Variants in GLB1 observed in about 807,000 individuals in gnomAD.
GLB1 encodes galactosidase beta 1, also known as beta-galactosidase.
In GLB1, 56 loss-of-function variants were observed where a neutral mutation model predicts 74.0. The observed-to-expected ratio is 0.76, with a 90% CI of 0.61 to 0.94. GLB1 has a LOEUF of 0.94. Among genes scored for constraint, GLB1 ranks in the 40% least tolerant of loss-of-function variants. The pLI is 0.00. For synonymous variants in GLB1, 323 were observed against 323.6 expected (o/e 1.00, Z 0.02); for missense variants, 787 against 845.5 (o/e 0.93, Z 0.86).
Position 33,093,736 on chromosome 3 carries a change from C to T in GLB1, c.75+3275G>A. The stretch of plus-strand genomic sequence containing the variant: ...AGCTTCCTTGTCTTCTCAAGGCTGC[C>T]CACGACCCTACCACTGCGCCAGGCC... On this transcript the variant is annotated intron_variant, in intron 1 of 15. Transcript: ENST00000307363. The surrounding 1 kb of genome is among the most constrained non-coding windows in gnomAD (Gnocchi z 6.0). The T allele has an allele frequency of 6.2e-7, 1 of 1,613,892 alleles. No homozygotes were observed. The highest frequency in any genetic ancestry group is 8.5e-7 in the Non-Finnish European group (1 of 1,179,890).
intron 1 of GLB1, among the ~76,000 whole-genome samples, chr3:33,079,208 C>T (rs1001653584): frequency 2.6e-5 from 4 of 152,020 alleles, no homozygotes; most frequent in East Asian, 3.8e-4. Flanking sequence ...TGGGAAGGGA[C>T]GTGAGGGAAC....
intron 4 of GLB1, among the ~76,000 whole-genome samples, chr3:33,067,879 G>T (rs1476357968): frequency 6.6e-6 from 1 of 151,980 alleles, no homozygotes; most frequent in Non-Finnish European, 1.5e-5. Flanking sequence ...AATTGTTGAA[G>T]CTTTTTTGTT....
intron 10 of GLB1, chr3:33,030,438 T>C (rs1697958423): frequency 1.1e-6 from 1 of 926,772 alleles, no homozygotes; most frequent in South Asian, 5.0e-5. Flanking sequence ...TATTTAACAG[T>C]TGCTAAGTAA....
At chr3:32,992,314 CAGG>C (rs1696240978), downstream of GLB1, among the ~76,000 whole-genome samples, 1 of 152,186 alleles carries the variant, frequency 6.6e-6, no homozygotes, top group African/African-American at 2.4e-5. Context: ...AGTGGCTGGT[CAGG>C]AGGAGAACCA....
chr3:33,014,304 C>T lies in GLB1; in HGVS notation c.1486G>A (p.Val496Ile). ...GAYINDFKGL[V>I]SNLTLSSNIL... ...TTGGAACTGAGAGTCAGGTTAGAAA[C>T]CAAACCCTGCAAAGCAGAAACAGAG... The change falls in exon 15 of 16, where the codon GTT becomes ATT. Residue 496 changes from valine to isoleucine, a missense_variant. Transcript: ENST00000307363. 6.2e-7 allele frequency: 1 copy of T among 1,613,840 alleles called. No homozygotes were observed. The highest frequency in any genetic ancestry group is 8.5e-7 in the Non-Finnish European group (1 of 1,179,878).
intron 15 of GLB1, among the ~76,000 whole-genome samples, chr3:33,011,175 A>G (rs974528174): frequency 1.3e-5 from 2 of 152,102 alleles, no homozygotes; most frequent in African/African-American, 4.8e-5. Context: ...CTTTTTAATA[A>G]TCTATGGTTC....
chr3:33,010,082 T>C (rs977055042), intron 15 of GLB1, among the ~76,000 whole-genome samples: 17 of 152,326 alleles, frequency 1.1e-4, no homozygotes, highest in Admixed American at 3.3e-4. Flanking sequence ...TATGTGAACA[T>C]GTTTTCCTTT....
intron 9 of GLB1, among the ~76,000 whole-genome samples, chr3:33,047,961 A>C (rs1698808706): frequency 6.6e-6 from 1 of 152,136 alleles, no homozygotes; most frequent in African/African-American, 2.4e-5. Flanking sequence ...AAAGAAAAAA[A>C]AAAACCCACA....
At chr3:32,978,931 T>A in the GLB1 span, among the ~76,000 whole-genome samples, 1 of 149,734 alleles carries the variant, frequency 6.7e-6, no homozygotes, top group South Asian at 2.1e-4. Flanking sequence ...GGCTAATTTT[T>A]TTTTTTTTTT....
At chr3:33,078,594 T>C (rs1453265974) in intron 1 of GLB1, among the ~76,000 whole-genome samples, 3 of 152,078 alleles carry the variant, frequency 2.0e-5, no homozygotes, top group Non-Finnish European at 4.4e-5. Flanking sequence ...ATTTTAAAAG[T>C]CCAATGATTC....
the GLB1 span, among the ~76,000 whole-genome samples, chr3:32,981,674 T>C: frequency 6.6e-6 from 1 of 150,778 alleles, no homozygotes; most frequent in Non-Finnish European, 1.5e-5. Flanking sequence ...CTCGGGAAGC[T>C]GAGGCAGAGA....
intron 10 of GLB1, among the ~76,000 whole-genome samples, chr3:33,038,218 T>G (rs116044861): frequency 0.01 from 1,525 of 152,278 alleles, 34 homozygotes; most frequent in African/African-American, 0.035. Context: ...CATGGTAGAC[T>G]TATCACTCAC....
intron 10 of GLB1, chr3:33,045,787 G>A (rs1358887804): frequency 1.2e-5 from 14 of 1,178,478 alleles, no homozygotes; most frequent in Non-Finnish European, 1.5e-5. Context: ...AAGATAATCT[G>A]GCCTGGAAGG....
chr3:33,008,891 A>G (rs900542354), intron 15 of GLB1, among the ~76,000 whole-genome samples: 2 of 152,134 alleles, frequency 1.3e-5, no homozygotes. Context: ...AGGCCGAGGC[A>G]GGCAGATCAC....
At chr3:33,004,286 T>C (rs1386243607) in intron 15 of GLB1, among the ~76,000 whole-genome samples, 1 of 152,210 alleles carries the variant, frequency 6.6e-6, no homozygotes, top group East Asian at 1.9e-4. Flanking sequence ...AGCTGACAGA[T>C]GGCTAACACC....
At chr3:33,068,085 C>T (rs1699757588) in intron 4 of GLB1, 145 bp downstream of exon 4, 1 of 1,154,524 alleles carries the variant, frequency 8.7e-7, no homozygotes, top group Non-Finnish European at 1.3e-6. Context: ...CGAGGTTTTG[C>T]CATTTTGGCC....
chr3:33,026,589 G>A (rs1697769515), intron 10 of GLB1, among the ~76,000 whole-genome samples: 1 of 152,140 alleles, frequency 6.6e-6, no homozygotes, highest in Non-Finnish European at 1.5e-5. Flanking sequence ...TGGACCAGAG[G>A]GGTAACTTGT....
At chr3:33,083,599 G>A (rs1700404326) in intron 1 of GLB1, among the ~76,000 whole-genome samples, 1 of 152,108 alleles carries the variant, frequency 6.6e-6, no homozygotes, top group Non-Finnish European at 1.5e-5. Flanking sequence ...ATACTTGCAG[G>A]AGTGTGGTAG....
chr3:32,997,060 C>A lies in GLB1; in HGVS notation c.2019G>T (p.Trp673Cys). ...GCTTTCATCATCATACATGGTCCAGCCATGAATCTTTGTTTTTTTGCGGGG... is the reference window on the plus strand; with the variant it reads ...GCTTTCATCATCATACATGGTCCAGACATGAATCTTTGTTTTTTTGCGGGG... Reference protein sequence around the residue: ...PPPPQKNKDSWLDHV With the variant: ...PPPPQKNKDSCLDHV The change falls in exon 16 of 16, where the codon TGG (tryptophan) becomes TGT (cysteine). Residue 673 changes from tryptophan to cysteine, a missense_variant. Physicochemically the swap from Trp to Cys is radical, Grantham distance 215. Transcript: ENST00000307363. 6.2e-7 allele frequency: 1 copy of A among 1,614,082 alleles called. No homozygotes were observed. The highest frequency in any genetic ancestry group is 8.5e-7 in the Non-Finnish European group (1 of 1,180,014).
Sources: gnomAD v4.1 joint callset for allele counts (sites outside exome capture counted in the v4.1 genomes callset) on GRCh38, gnomAD v4.1.1 for gene constraint, Gnocchi (gnomAD v3.1) non-coding constraint, MANE v1.5 for transcripts, NCBI Gene and HGNC (gene_info 2026-07-23, HGNC 2026-07-21) for gene names.